MAP3K9: variants seen among roughly 807,000 people sequenced by gnomAD.
MAP3K9 encodes mitogen-activated protein kinase kinase kinase 9.
A neutral mutation model predicts 95.8 loss-of-function variants in MAP3K9; 46 were observed. That is an observed-to-expected ratio of 0.48 (90% CI 0.38 to 0.61). The LOEUF (loss-of-function observed/expected upper bound fraction) is 0.61. MAP3K9 is among the 20% of genes least tolerant of loss of function. The probability of loss-of-function intolerance (pLI) is 0.00; values close to 1 mark genes in which losing one functional copy is unlikely to be tolerated. For synonymous variants in MAP3K9, 533 were observed against 593.8 expected, an observed-to-expected ratio of 0.90 and a Z score of 1.49; for missense variants, 1,296 against 1,474.3, an observed-to-expected ratio of 0.88 and a Z score of 1.98.
At chr14:70,737,450 G>A (rs2054000569) in intron 8 of MAP3K9, among the ~76,000 whole-genome samples, 1 of 152,178 alleles carries the variant, frequency 6.6e-6, no homozygotes, top group Non-Finnish European at 1.5e-5. Context: ...CACTATGAGT[G>A]CCTTGCCTGT....
At position 70,730,180 on chromosome 14, in the gene MAP3K9, T is replaced by C. The variant is rs1271388610; in HGVS notation, c.*200A>G. The C allele has an allele frequency of 7.0e-6, 5 of 713,626 alleles. No individual in the cohort carries two copies. In the African/African-American group the frequency reaches 7.1e-5, roughly 10 times the overall value. The allele number at this position is 713,626 out of a possible 1,614,324, so 44.2% of individuals were successfully genotyped here. On this transcript the variant is annotated 3_prime_UTR_variant, in exon 12 of 12. Coordinates refer to ENST00000554752, the MANE Select transcript of MAP3K9 (RefSeq NM_001284230.2). The stretch of plus-strand genomic sequence containing the variant: ...GAGCTGATGGCCACAGCCCCTCCAG[T>C]GGACACGGGTAGAAAGGCCCTGCAG...
At chr14:70,804,390 T>C (rs2054966487) in intron 1 of MAP3K9, among the ~76,000 whole-genome samples, 1 of 152,256 alleles carries the variant, frequency 6.6e-6, no homozygotes, top group Non-Finnish European at 1.5e-5. Context: ...AATATGCCTA[T>C]GTTATAAAGA....
In MAP3K9 at chr14:70,807,155, G is replaced by A. The variant is rs555395473; in HGVS notation, c.406+1611C>T. Among the ~76,000 whole-genome samples the A allele has an allele frequency of 1.3e-4, 20 of 152,304 alleles. No homozygotes were observed. The East Asian group carries it at 3.1e-3, about 23-fold the overall frequency. On this transcript the variant is annotated intron_variant, in intron 1 of 11. Transcript: ENST00000554752. Reference sequence around the variant, plus strand: ...GAAAAAGAAGAGCAGAAAAACAAGCGAAGAGGCTATGATTTTGATATTATG... The same window carrying A: ...GAAAAAGAAGAGCAGAAAAACAAGCAAAGAGGCTATGATTTTGATATTATG...
At chr14:70,787,221 G>A (rs2139837493) in intron 2 of MAP3K9, among the ~76,000 whole-genome samples, 1 of 152,104 alleles carries the variant, frequency 6.6e-6, no homozygotes, top group East Asian at 1.9e-4. Flanking sequence ...TATAAGATCA[G>A]TCACTGGCTG....
In MAP3K9 at chr14:70,782,232, G is replaced by A. The variant is rs1309716897; in HGVS notation, c.820+18435C>T. Among the ~76,000 whole-genome samples the A allele has an allele frequency of 2.0e-5, 3 of 152,176 alleles. 1 individual carries two copies. The highest frequency in any genetic ancestry group is 7.2e-5 in the African/African-American group (3 of 41,440). ...AGGATGGAAAGAATGCAGTGGAAGT[G>A]ACCTCTATGTTATGTATATAATAAA... On this transcript the variant is annotated intron_variant, in intron 2 of 11. Transcript: ENST00000554752.
At chr14:70,767,102 G>T (rs551937121) in intron 2 of MAP3K9, among the ~76,000 whole-genome samples, 72 of 152,158 alleles carry the variant, frequency 4.7e-4, no homozygotes, top group African/African-American at 1.6e-3. Flanking sequence ...AACTCATCCC[G>T]GCTGGGTGCG....
chr14:70,756,735 C>A (rs1005194795), intron 3 of MAP3K9, among the ~76,000 whole-genome samples: 1 of 152,194 alleles, frequency 6.6e-6, no homozygotes, highest in African/African-American at 2.4e-5. Context: ...TCTAAAAGAA[C>A]CTAGGTTCCT....
chr14:70,798,643 T>A (rs1439361402), intron 2 of MAP3K9, among the ~76,000 whole-genome samples: 1 of 151,068 alleles, frequency 6.6e-6, no homozygotes, highest in African/African-American at 2.4e-5. Context: ...TACGCCCGGC[T>A]AATTTTTTGT....
intron 2 of MAP3K9, among the ~76,000 whole-genome samples, chr14:70,769,858 A>C (rs2054507276): frequency 6.6e-6 from 1 of 152,214 alleles, no homozygotes; most frequent in Admixed American, 6.5e-5. Flanking sequence ...TAACTTGACT[A>C]CATCTGCAAA....
At chr14:70,765,788 G>T (rs2054446115) in intron 2 of MAP3K9, among the ~76,000 whole-genome samples, 1 of 149,568 alleles carries the variant, frequency 6.7e-6, no homozygotes, top group Non-Finnish European at 1.5e-5. Context: ...AGGAAAAAGT[G>T]TCCTGAGCCA....
At position 70,726,231 on chromosome 14, in the gene MAP3K9, C is replaced by A. The variant is rs2053819118; in HGVS notation, c.*4149G>T. On this transcript the variant is annotated 3_prime_UTR_variant, in exon 12 of 12. Transcript: ENST00000554752. ...GGGAGGGAGGTCTCCAATGTGGGGA[C>A]CACAGAGGCAAGAGAGTTCATGAAA... The A allele has an allele frequency of 6.6e-6, 1 of 152,266 alleles. No homozygotes were observed. The highest frequency in any genetic ancestry group is 1.5e-5 in the Non-Finnish European group (1 of 68,088). The allele number at this position is 152,266 out of a possible 1,614,324, so 9.4% of individuals were successfully genotyped here.
At chr14:70,798,531 T>C (rs1405139659) in intron 2 of MAP3K9, among the ~76,000 whole-genome samples, 2 of 125,776 alleles carry the variant, frequency 1.6e-5, no homozygotes, top group Non-Finnish European at 3.2e-5. Context: ...CAGGCTGGAG[T>C]GCAGTGGCGG....
chr14:70,760,991 CT>C lies in MAP3K9; in HGVS notation c.1001+10del, dbSNP rs749342284. On this transcript the variant is annotated intron_variant, in intron 3 of 11. Coordinates refer to ENST00000554752, the MANE Select transcript of MAP3K9 (RefSeq NM_001284230.2). ...CCTAGGAAATGCTGTCCCTGCCCCC[CT>C]GGACCTTACCTCCACACATCACTGC... The C allele has an allele frequency of 1.2e-5, 20 of 1,613,120 alleles. No homozygotes were observed. Among genetic ancestry groups the C allele is most frequent in the Non-Finnish European group, 1.6e-5 (19 of 1,179,800 alleles).
intron 6 of MAP3K9, among the ~76,000 whole-genome samples, chr14:70,740,646 G>A (rs1203571514): frequency 6.6e-6 from 1 of 152,226 alleles, no homozygotes; most frequent in Admixed American, 6.5e-5. Flanking sequence ...CTAGGGCAGT[G>A]AGGGAGATGG....
chr14:70,782,126 C>T (rs2054685606), intron 2 of MAP3K9, among the ~76,000 whole-genome samples: 1 of 152,182 alleles, frequency 6.6e-6, no homozygotes, highest in Admixed American at 6.5e-5. Flanking sequence ...CAGACCCCAT[C>T]TCATGTATCT....
chr14:70,809,509 T>A lies in MAP3K9; in HGVS notation c.-338A>T. 1 of 162,252 alleles carries A rather than the reference T, an allele frequency of 6.2e-6. No individual in the cohort carries two copies. The highest frequency in any genetic ancestry group is 1.3e-5 in the Non-Finnish European group (1 of 75,512). 10.1% of individuals were successfully genotyped at this position (162,252 alleles called of 1,614,324 possible). On this transcript the variant is annotated 5_prime_UTR_variant, in exon 1 of 12. Transcript: ENST00000554752. ...CTGCCAGCCGGCCGCCGCTCTCCTCTCCGCGCCGTGCCGTGCCCCGCCCCC... is the reference window on the plus strand; with the variant it reads ...CTGCCAGCCGGCCGCCGCTCTCCTCACCGCGCCGTGCCGTGCCCCGCCCCC...
At chr14:70,778,451 T>C (rs1052676296) in intron 2 of MAP3K9, among the ~76,000 whole-genome samples, 5 of 152,050 alleles carry the variant, frequency 3.3e-5, no homozygotes, top group African/African-American at 9.7e-5. Context: ...AATTTTTGTG[T>C]TTTTAGCAGA....
intron 6 of MAP3K9, among the ~76,000 whole-genome samples, chr14:70,742,121 T>C (rs2054079022): frequency 6.6e-6 from 1 of 152,144 alleles, no homozygotes. Context: ...CCTTGCCGGG[T>C]TGTCCTCACT....
chr14:70,783,638 G>T (rs1330204649), intron 2 of MAP3K9, among the ~76,000 whole-genome samples: 1 of 152,252 alleles, frequency 6.6e-6, no homozygotes, highest in Non-Finnish European at 1.5e-5. Context: ...GGAATGAACA[G>T]TGAAGTCAAA....
Sources: allele counts gnomAD v4.1 joint callset (sites outside exome capture counted in the v4.1 genomes callset), GRCh38; gene constraint gnomAD v4.1.1; transcripts MANE v1.5; gene names NCBI Gene and HGNC (gene_info 2026-07-23, HGNC 2026-07-21).